The following ASGR2 variants were observed in gnomAD, a reference collection of about 807,000 sequenced individuals.
ASGR2 encodes the protein C-type lectin domain family 4 member H2.
ASGR2 carries 34 observed loss-of-function variants against 32.3 expected under a neutral mutation model. The ratio of observed to expected loss-of-function variants is 1.05; its 90% CI spans 0.80 to 1.40. The LOEUF (loss-of-function observed/expected upper bound fraction) is 1.40. Ranked by LOEUF, ASGR2 falls within the 40% of genes most tolerant of loss-of-function variation. The probability of loss-of-function intolerance (pLI) is 0.00; values close to 1 mark genes in which losing one functional copy is unlikely to be tolerated. For missense variants in ASGR2, 385 were observed against 386.4 expected (o/e 1.00, Z 0.03); for synonymous variants, 143 against 150.0 (o/e 0.95, Z 0.34).
At chr17:7,103,999 T>C (rs1164319893) in intron 7 of ASGR2, among the ~76,000 whole-genome samples, 2 of 140,030 alleles carry the variant, frequency 1.4e-5, no homozygotes, top group Non-Finnish European at 3.1e-5. Flanking sequence ...TGAAAGAAGA[T>C]ATAAAAAAAA....
At position 7,107,817 on chromosome 17, in the gene ASGR2, AC is replaced by A; in HGVS notation, c.409+18del. On this transcript the variant is annotated intron_variant, in intron 5 of 8. Coordinates refer to ENST00000691900, the MANE Select transcript of ASGR2 (RefSeq NM_001201352.2). The surrounding 1 kb of genome is among the most constrained non-coding windows in gnomAD (Gnocchi z 5.0). Reference sequence around the variant, plus strand: ...TACACATGCACGCACATGCGCACACACCCCGGAGGCTCTCTGACCTGCTTTC... The same window carrying A: ...TACACATGCACGCACATGCGCACACACCCGGAGGCTCTCTGACCTGCTTTC... 1 of 1,599,844 alleles carries A rather than the reference AC, an allele frequency of 6.3e-7. No individual in the cohort carries two copies. The highest frequency in any genetic ancestry group is 8.5e-7 in the Non-Finnish European group (1 of 1,173,288).
intron 2 of ASGR2, among the ~76,000 whole-genome samples, chr17:7,110,048 C>G (rs1441776161): frequency 6.6e-6 from 1 of 152,128 alleles, no homozygotes; most frequent in Non-Finnish European, 1.5e-5. Flanking sequence ...CACCCCCCGA[C>G]CCAGCAGGAC....
intron 2 of ASGR2, among the ~76,000 whole-genome samples, chr17:7,111,174 T>A (rs1914568419): frequency 6.6e-6 from 1 of 152,102 alleles, no homozygotes; most frequent in African/African-American, 2.4e-5. Flanking sequence ...ACACAATGCA[T>A]AACGAGGAGG....
In ASGR2 at chr17:7,101,623, G is replaced by GTA. The variant is rs764514004; in HGVS notation, c.871_872dup (p.Arg292ThrfsTer37). 24 of 1,614,212 alleles carry GTA rather than the reference G, an allele frequency of 1.5e-5. No homozygotes were observed. The highest frequency in any genetic ancestry group is 2.0e-5 in the Non-Finnish European group (24 of 1,180,038). The stretch of plus-strand genomic sequence containing the variant: ...TCCGCCTTTTCTCACACACCCAGCG[G>GTA]TACACCTGCAGGCAGAAGTCATCGT... On this transcript the variant is annotated frameshift_variant, in exon 9 of 9. Transcript: ENST00000691900. LOFTEE classifies it low-confidence loss of function (END_TRUNC).
At chr17:7,114,876 G>A (rs960029088), upstream of ASGR2, 4 of 986,156 alleles carry the variant, frequency 4.1e-6, no homozygotes, top group African/African-American at 3.5e-5. This position sits in a 1 kb window ranked among gnomAD's most constrained non-coding sequence, Gnocchi z 4.5. Context: ...GGCAGGGGAC[G>A]GGGCTATCTC....
Position 7,108,591 on chromosome 17 carries a change from G to A in ASGR2, c.242-34C>T. The A allele has an allele frequency of 6.2e-7, 1 of 1,604,926 alleles. No individual in the cohort carries two copies. The highest frequency in any genetic ancestry group is 8.5e-7 in the Non-Finnish European group (1 of 1,176,030). On this transcript the variant is annotated intron_variant, in intron 3 of 8. Coordinates refer to ENST00000691900, the MANE Select transcript of ASGR2 (RefSeq NM_001201352.2). The surrounding 1 kb of genome is among the most constrained non-coding windows in gnomAD (Gnocchi z 4.9). ...GTGGTAGTGGGGGCAGGATGAGGCA[G>A]AGGGGCCGTGTCCCCATCACTGTCC...
At chr17:7,101,858 T>A in intron 8 of ASGR2, 118 bp from the exon 9 acceptor site, 2 of 1,356,004 alleles carry the variant, frequency 1.5e-6, no homozygotes, top group Non-Finnish European at 2.0e-6. Context: ...GGGTGTGCCC[T>A]GCTACCCAGT....
intron 2 of ASGR2, among the ~76,000 whole-genome samples, chr17:7,112,006 C>T (rs1387456483): frequency 2.0e-5 from 1 of 51,128 alleles, no homozygotes; most frequent in East Asian, 5.0e-4. Context: ...CAAGCTACTG[C>T]ATTCCAGCCT....
intron 7 of ASGR2, among the ~76,000 whole-genome samples, chr17:7,105,354 G>T (rs920670940): frequency 6.6e-6 from 1 of 152,186 alleles, no homozygotes; most frequent in Non-Finnish European, 1.5e-5. Flanking sequence ...GTACTTATTA[G>T]ATTTTTAAAC....
At position 7,102,074 on chromosome 17, in the gene ASGR2, G is replaced by A. The variant is rs777751758; in HGVS notation, c.755+16C>T. 1 of 1,605,984 alleles carries A rather than the reference G, an allele frequency of 6.2e-7. No homozygotes were observed. Among genetic ancestry groups the A allele is most frequent in the Non-Finnish European group, 8.5e-7 (1 of 1,172,624 alleles). ...CAGAGAAATCTAACAAGGAGATGAG[G>A]GAAGAGGCCACTTACTTGTAGTTGT... On this transcript the variant is annotated intron_variant, in intron 8 of 8. Transcript: ENST00000691900.
At position 7,101,489 on chromosome 17, in the gene ASGR2, G is replaced by C. The variant is rs545128211; in HGVS notation, c.*86C>G. The C allele has an allele frequency of 3.3e-6, 5 of 1,532,114 alleles. No individual in the cohort carries two copies. In the African/African-American group the frequency reaches 4.1e-5, roughly 13 times the overall value. 94.9% of individuals were successfully genotyped at this position (1,532,114 alleles called of 1,614,324 possible). A position where few individuals can be genotyped will look rare whatever the true frequency, so the allele number is the denominator to read the frequency against. Reference sequence around the variant, plus strand: ...AGCTCTTCCCCATACCCCTGTCTCAGTGTTTCTTCCTTTCCTCAAAATCCT... The same window carrying C: ...AGCTCTTCCCCATACCCCTGTCTCACTGTTTCTTCCTTTCCTCAAAATCCT... On this transcript the variant is annotated 3_prime_UTR_variant, in exon 9 of 9. Transcript: ENST00000691900.
rs1009369546 is a variant in ASGR2, at chr17:7,111,870, G to A, written c.124+2247C>T. On this transcript the variant is annotated intron_variant, in intron 2 of 8. Coordinates refer to ENST00000691900, the MANE Select transcript of ASGR2 (RefSeq NM_001201352.2). ...CAAAACCCCTCTACATGGCAAAACC[G>A]TCTCTACAAAAAAAAATTTTTAATT... Among the ~76,000 whole-genome samples, 30 of 147,430 alleles carry A rather than the reference G, an allele frequency of 2.0e-4. No homozygotes were observed. In the East Asian group the frequency reaches 2.6e-3, roughly 13 times the overall value.
chr17:7,112,342 C>T (rs777583312), intron 2 of ASGR2, among the ~76,000 whole-genome samples: 105 of 151,998 alleles, frequency 6.9e-4, no homozygotes, highest in Non-Finnish European at 1.4e-3. Context: ...CAGCCCCCAC[C>T]ACCCGGGCTG....
chr17:7,107,416 C>T lies in ASGR2; in HGVS notation c.410-99G>A. 2 of 1,250,762 alleles carry T rather than the reference C, an allele frequency of 1.6e-6. No homozygotes were observed. Among genetic ancestry groups the T allele is most frequent in the Non-Finnish European group, 1.1e-6 (1 of 884,116 alleles). The allele number at this position is 1,250,762 out of a possible 1,614,324, so 77.5% of individuals were successfully genotyped here. A position where few individuals can be genotyped will look rare whatever the true frequency, so the allele number is the denominator to read the frequency against. The stretch of plus-strand genomic sequence containing the variant: ...AAGCATATACACCCACAGACACGTA[C>T]ACCATGCATAGACCACACCACACAC... On this transcript the variant is annotated intron_variant, in intron 5 of 8. Transcript: ENST00000691900. The surrounding 1 kb of genome is among the most constrained non-coding windows in gnomAD (Gnocchi z 5.0).
At chr17:7,111,041 G>T (rs1053345283) in intron 2 of ASGR2, among the ~76,000 whole-genome samples, 2 of 152,194 alleles carry the variant, frequency 1.3e-5, no homozygotes, top group Non-Finnish European at 2.9e-5. Context: ...TTGCTTAACT[G>T]CATCCCGGAG....
At position 7,107,990 on chromosome 17, in the gene ASGR2, C is replaced by G; in HGVS notation, c.338-83G>C. On this transcript the variant is annotated intron_variant, in intron 4 of 8. Coordinates refer to ENST00000691900, the MANE Select transcript of ASGR2 (RefSeq NM_001201352.2). The surrounding 1 kb of genome is among the most constrained non-coding windows in gnomAD (Gnocchi z 5.0). ...GGGGGACCGGGGGCCAGCGCCTCGT[C>G]CTGGGCGATGCAGGCGTCCACCTCC... 3 of 1,524,144 alleles carry G rather than the reference C, an allele frequency of 2.0e-6. No homozygotes were observed. Among genetic ancestry groups the G allele is most frequent in the Non-Finnish European group, 2.7e-6 (3 of 1,118,808 alleles). The allele number at this position is 1,524,144 out of a possible 1,614,324, so 94.4% of individuals were successfully genotyped here.
At chr17:7,115,025 C>A, upstream of ASGR2, 2 of 984,878 alleles carry the variant, frequency 2.0e-6, no homozygotes, top group Non-Finnish European at 2.4e-6. This position sits in a 1 kb window ranked among gnomAD's most constrained non-coding sequence, Gnocchi z 4.2. Context: ...TCTCTCCCTC[C>A]CCCTCTCACT....
upstream of ASGR2, chr17:7,114,864 G>A (rs1035741048): frequency 1.6e-5 from 16 of 986,510 alleles, no homozygotes; most frequent in Non-Finnish European, 1.9e-5. The surrounding 1 kb of genome is among the most constrained non-coding windows in gnomAD (Gnocchi z 4.5). Flanking sequence ...TTGTGGGGTG[G>A]GGGCAGGGGA....
rs549609028 is a variant in ASGR2 at position 7,111,573 on chromosome 17, A to G, written c.124+2544T>C. On this transcript the variant is annotated intron_variant, in intron 2 of 8. Coordinates refer to ENST00000691900, the MANE Select transcript of ASGR2 (RefSeq NM_001201352.2). ...CGGGAGGCTGAGGCAGGAGAATGGC[A>G]TGAACCCGGGAGGCAGAGCTTGCAG... Among the ~76,000 whole-genome samples the G allele has an allele frequency of 1.5e-3, 226 of 151,308 alleles. 1 individual carries two copies. The highest frequency in any genetic ancestry group is 6.9e-3 in the Middle Eastern group (2 of 290).
Sources: gnomAD v4.1 joint callset for allele counts (sites outside exome capture counted in the v4.1 genomes callset) on GRCh38, gnomAD v4.1.1 for gene constraint, Gnocchi (gnomAD v3.1) non-coding constraint, MANE v1.5 for transcripts, NCBI Gene and HGNC (gene_info 2026-07-23, HGNC 2026-07-21) for gene names.